The following RBM28 variants were observed in gnomAD, a reference collection of about 807,000 sequenced individuals.
RBM28 encodes RNA-binding protein 28.
In RBM28, 78 loss-of-function variants were observed where a neutral mutation model predicts 98.3. The ratio of observed to expected loss-of-function variants is 0.79; its 90% CI spans 0.66 to 0.96. RBM28 has a LOEUF of 0.96. RBM28 is among the 40% of genes least tolerant of loss of function. RBM28 has a pLI of 0.00. For synonymous variants in RBM28, 306 were observed against 330.9 expected (o/e 0.92, Z 0.82); for missense variants, 838 against 913.0 (o/e 0.92, Z 1.06).
chr7:128,305,685 CATACAGACT>C lies in RBM28; in HGVS notation c.*5103_*5111del, dbSNP rs1406298463. The stretch of plus-strand genomic sequence containing the variant: ...TCCAGACTTCACATCCCGCCTTGTG[CATACAGACT>C]GGGAGTCCCTTGGGTAGCGGGGGAC... On this transcript the variant is annotated 3_prime_UTR_variant, in exon 19 of 19. Transcript: ENST00000223073. The C allele has an allele frequency of 6.6e-6, 1 of 152,214 alleles. No homozygotes were observed. The highest frequency in any genetic ancestry group is 2.4e-5 in the African/African-American group (1 of 41,428). The allele number at this position is 152,214 out of a possible 1,614,324, so 9.4% of individuals were successfully genotyped here.
intron 18 of RBM28, among the ~76,000 whole-genome samples, chr7:128,312,780 C>A (rs1458701109): frequency 2.0e-5 from 3 of 152,252 alleles, no homozygotes; most frequent in Admixed American, 2.0e-4. Flanking sequence ...TTATTAGTTT[C>A]ATTAGATATT....
chr7:128,336,131 G>A, intron 6 of RBM28, 89 bp from the exon 7 acceptor site: 1 of 1,228,826 alleles, frequency 8.1e-7, no homozygotes. Context: ...CAAGTTCTTG[G>A]TTTCATCGGT....
At chr7:128,333,120 T>A (rs768517708) in intron 9 of RBM28, among the ~76,000 whole-genome samples, 170 bp downstream of exon 9, 3 of 152,256 alleles carry the variant, frequency 2.0e-5, no homozygotes, top group Non-Finnish European at 4.4e-5. Flanking sequence ...GTCTTCTGTG[T>A]TATAGTTCTG....
In RBM28 at chr7:128,303,419, C is replaced by T. The variant is rs763379380; in HGVS notation, c.*7378G>A. On this transcript the variant is annotated 3_prime_UTR_variant, in exon 19 of 19. Transcript: ENST00000223073. The stretch of plus-strand genomic sequence containing the variant: ...TGTGAAGGTCACCTGAGATAAGAGA[C>T]GTGAAAGGATGCTGAAGATGCAAAA... The T allele has an allele frequency of 2.0e-5, 3 of 152,222 alleles. No individual in the cohort carries two copies. Among genetic ancestry groups the T allele is most frequent in the Admixed American group, 6.5e-5 (1 of 15,284 alleles). 9.4% of individuals were successfully genotyped at this position (152,222 alleles called of 1,614,324 possible). A position where few individuals can be genotyped will look rare whatever the true frequency, so the allele number is the denominator to read the frequency against.
chr7:128,317,782 A>G (rs1796136225), intron 15 of RBM28, 49 bp from the exon 16 acceptor site: 2 of 1,499,188 alleles, frequency 1.3e-6, no homozygotes, highest in South Asian at 2.3e-5. Context: ...TAATCTGTGC[A>G]TGCAATGAGC....
rs1226444431 is a variant in RBM28, at chr7:128,298,655, G to C, written c.*12142C>G. The stretch of plus-strand genomic sequence containing the variant: ...ACTGCTCCTTCAGAGCCAAGCAAAG[G>C]ATCACTCATTTTCCCCTTAACTGAG... On this transcript the variant is annotated 3_prime_UTR_variant, in exon 19 of 19. Transcript: ENST00000223073. 6.6e-6 allele frequency: 1 copy of C among 152,072 alleles called. No individual in the cohort carries two copies. The highest frequency in any genetic ancestry group is 6.5e-5 in the Admixed American group (1 of 15,272). 9.4% of individuals were successfully genotyped at this position (152,072 alleles called of 1,614,324 possible). A position where few individuals can be genotyped will look rare whatever the true frequency, so the allele number is the denominator to read the frequency against.
chr7:128,338,746 A>G lies in RBM28; in HGVS notation c.428T>C (p.Val143Ala). ...VFAQFGAVLE[V>A]NIPRKPDGKM... ...AGTACCTGGTTTCCTAGGGATATTT[A>G]CTTCCAGGACAGCTCCAAATTGAGC... The change falls in exon 4 of 19, where the codon GTA becomes GCA. Residue 143 changes from valine (V) to alanine (A), a missense_variant. By Grantham distance (64) the Val-to-Ala change is moderately conservative (BLOSUM62 0). Transcript: ENST00000223073. The G allele has an allele frequency of 6.2e-7, 1 of 1,607,966 alleles. No homozygotes were observed. The highest frequency in any genetic ancestry group is 8.5e-7 in the Non-Finnish European group (1 of 1,174,410).
At chr7:128,318,458 G>C (rs1796152727) in intron 14 of RBM28, among the ~76,000 whole-genome samples, 2 of 144,856 alleles carry the variant, frequency 1.4e-5, no homozygotes, top group East Asian at 2.0e-4. Flanking sequence ...CTGGGCAACA[G>C]AGTGAGACCC....
chr7:128,317,893 G>T, intron 15 of RBM28, 64 bp downstream of exon 15: 2 of 1,593,032 alleles, frequency 1.3e-6, no homozygotes, highest in Non-Finnish European at 1.7e-6. Context: ...TAGGCATAAA[G>T]GAGAAGGCTG....
intron 10 of RBM28, among the ~76,000 whole-genome samples, chr7:128,328,245 T>C (rs186350565): frequency 6.6e-6 from 1 of 152,368 alleles, no homozygotes; most frequent in Admixed American, 6.5e-5. Flanking sequence ...GGGGAAAATG[T>C]TTCTAATAGG....
At chr7:128,329,100 CT>C (rs1191343019) in intron 10 of RBM28, among the ~76,000 whole-genome samples, 9 of 150,016 alleles carry the variant, frequency 6.0e-5, no homozygotes, top group South Asian at 4.2e-4. Context: ...AGGTCTTAAA[CT>C]TTTTTTTTTC....
rs568687015 is a variant in RBM28, at chr7:128,339,635, T to C, written c.275A>G (p.Asn92Ser). 6.2e-7 allele frequency: 1 copy of C among 1,613,588 alleles called. No individual in the cohort carries two copies. Among genetic ancestry groups the C allele is most frequent in the Non-Finnish European group, 8.5e-7 (1 of 1,179,630 alleles). ...TCCTTCAATTACTAGAAACTCACCA[T>C]TTTTCCCCTTTTCCTTTGTCTTGTT... Reference protein sequence around the residue: ...LRNKTKEKGKNENSECPKKEP... With the variant: ...LRNKTKEKGKSENSECPKKEP... Residue 92 changes from asparagine to serine, a missense_variant and splice_region_variant, in exon 2 of 19, where the codon AAT becomes AGT. Transcript: ENST00000223073.
chr7:128,320,325 T>C (rs1459388184), intron 14 of RBM28, among the ~76,000 whole-genome samples: 5 of 1,444 alleles, frequency 3.5e-3, no homozygotes, highest in Admixed American at 0.032. Flanking sequence ...TGCTTGAGCT[T>C]GGGGGGGGGG....
rs886165535 is a variant in RBM28 at position 128,313,196 on chromosome 7, C to T, written c.2124G>A (p.Lys708=). Reference sequence around the variant, plus strand: ...TCACCTGCTCGGACGATAATTGCTGCTTCTCCTGCTTCCACTGGTTTATCT... The same window carrying T: ...TCACCTGCTCGGACGATAATTGCTGTTTCTCCTGCTTCCACTGGTTTATCT... ...KPQINQWKQE[K]QQLSSEQVSR... Residue 708 remains lysine (K), a synonymous_variant, in exon 18 of 19, where the codon AAG becomes AAA. Coordinates refer to ENST00000223073, the MANE Select transcript of RBM28 (RefSeq NM_018077.3). 1.2e-6 allele frequency: 2 copies of T among 1,614,156 alleles called. No individual in the cohort carries two copies. Among genetic ancestry groups the T allele is most frequent in the East Asian group, 4.5e-5 (2 of 44,886 alleles).
rs1337962429 is a variant in RBM28 at position 128,309,909 on chromosome 7, A to T, written c.*888T>A. On this transcript the variant is annotated 3_prime_UTR_variant, in exon 19 of 19. Transcript: ENST00000223073. ...AATGAAGAAGAGAGTGGATAAAGAC[A>T]AGCAGAGGTGATAGGGCTGAAGAGC... 1 of 152,234 alleles carries T rather than the reference A, an allele frequency of 6.6e-6. No homozygotes were observed. Among genetic ancestry groups the T allele is most frequent in the Non-Finnish European group, 1.5e-5 (1 of 68,106 alleles). 9.4% of individuals were successfully genotyped at this position (152,234 alleles called of 1,614,324 possible).
At chr7:128,313,954 G>A (rs971339786) in intron 17 of RBM28, among the ~76,000 whole-genome samples, 1 of 151,812 alleles carries the variant, frequency 6.6e-6, no homozygotes. Context: ...AGCCAATTAA[G>A]CCTCTTTTCT....
chr7:128,340,598 T>C lies in RBM28; in HGVS notation c.119-807A>G, dbSNP rs539758787. Among the ~76,000 whole-genome samples the C allele has an allele frequency of 2.0e-5, 3 of 152,344 alleles. No homozygotes were observed. In the South Asian group the frequency reaches 6.2e-4, roughly 32 times the overall value. ...CAGAAAATGAATTAAGACAGTATGGTAGCTTCAAAAATCAGAACACAATAA... is the reference window on the plus strand; with the variant it reads ...CAGAAAATGAATTAAGACAGTATGGCAGCTTCAAAAATCAGAACACAATAA... On this transcript the variant is annotated intron_variant, in intron 1 of 18. Transcript: ENST00000223073.
At chr7:128,325,972 G>T in intron 10 of RBM28, 81 bp from the exon 11 acceptor site, 1 of 1,103,100 alleles carries the variant, frequency 9.1e-7, no homozygotes, top group South Asian at 1.2e-5. Context: ...GCAACAGCCT[G>T]ACACAGAGTG....
intron 9 of RBM28, among the ~76,000 whole-genome samples, chr7:128,331,703 C>T (rs1366712810): frequency 1.3e-5 from 2 of 151,430 alleles, no homozygotes; most frequent in African/African-American, 4.9e-5. Flanking sequence ...TTACTTCTCT[C>T]GATGGGATTA....
Sources: gnomAD v4.1 joint callset for allele counts (sites outside exome capture counted in the v4.1 genomes callset) on GRCh38, gnomAD v4.1.1 for gene constraint, MANE v1.5 for transcripts, NCBI Gene and HGNC (gene_info 2026-07-23, HGNC 2026-07-21) for gene names.